FGGY: variants seen among roughly 807,000 people sequenced by gnomAD.
FGGY encodes FGGY carbohydrate kinase domain containing.
FGGY carries 72 observed loss-of-function variants against 71.3 expected under a neutral mutation model. The ratio of observed to expected loss-of-function variants is 1.01; its 90% confidence interval spans 0.84 to 1.23. The LOEUF (loss-of-function observed/expected upper bound fraction) is 1.23. Among genes scored for constraint, FGGY ranks in the 50% most tolerant of loss-of-function variants. The pLI is 0.00. For missense variants in FGGY, 668 were observed against 682.3 expected (o/e 0.98, Z 0.23); for synonymous variants, 251 against 250.3 (o/e 1.00, Z -0.02).
At position 59,469,877 on chromosome 1, in the gene FGGY, C is replaced by G. The variant is rs548404433; in HGVS notation, c.670+12801C>G. On this transcript the variant is annotated intron_variant, in intron 6 of 15. Transcript: ENST00000303721. ...TGGTTTTCTGTTCCTGTGTTAGTTG[C>G]TAAGAATGATGGCCTCTAGCTCCAT... Among the ~76,000 whole-genome samples the G allele has an allele frequency of 4.9e-4, 74 of 152,248 alleles. 1 individual carries two copies. Among genetic ancestry groups the G allele is most frequent in the South Asian group, 1.5e-3 (7 of 4,820 alleles).
At chr1:59,622,095 G>A (rs757048316) in intron 9 of FGGY, among the ~76,000 whole-genome samples, 1 of 151,760 alleles carries the variant, frequency 6.6e-6, no homozygotes, top group Non-Finnish European at 1.5e-5. Context: ...TCTCCAATCA[G>A]CTCTTAGGCC....
chr1:59,720,166 G>A (rs935260965), intron 14 of FGGY, among the ~76,000 whole-genome samples: 2 of 152,144 alleles, frequency 1.3e-5, no homozygotes, highest in African/African-American at 4.8e-5. Context: ...CATTATGTGG[G>A]ACTGAAAATA....
intron 4 of FGGY, among the ~76,000 whole-genome samples, chr1:59,371,743 G>T (rs1453657017): frequency 6.6e-6 from 1 of 152,048 alleles, no homozygotes; most frequent in Non-Finnish European, 1.5e-5. Flanking sequence ...TAGAACTCAG[G>T]ATTAAGAAAC....
chr1:59,713,276 A>T (rs1490817789), intron 14 of FGGY, among the ~76,000 whole-genome samples: 2 of 152,206 alleles, frequency 1.3e-5, no homozygotes, highest in Non-Finnish European at 1.5e-5. Flanking sequence ...GTCTCTAGGA[A>T]GTTCGAAACT....
intron 8 of FGGY, among the ~76,000 whole-genome samples, chr1:59,557,637 C>G (rs1211639783): frequency 6.6e-6 from 1 of 152,074 alleles, no homozygotes. Context: ...TTTTTTAACT[C>G]CATGAAAGCA....
At chr1:59,627,784 A>G (rs534243085) in intron 10 of FGGY, among the ~76,000 whole-genome samples, 40 of 152,260 alleles carry the variant, frequency 2.6e-4, no homozygotes, top group Middle Eastern at 3.4e-3. Context: ...GGAATTGTCA[A>G]GGTACATTGG....
intron 2 of FGGY, among the ~76,000 whole-genome samples, chr1:59,326,511 A>G (rs2047455072): frequency 6.6e-6 from 1 of 152,212 alleles, no homozygotes; most frequent in South Asian, 2.1e-4. Flanking sequence ...ATTCCCATTT[A>G]CATTTGAAAA....
At chr1:59,761,907 T>C (rs1574129379) in intron 15 of FGGY, among the ~76,000 whole-genome samples, 2 of 152,170 alleles carry the variant, frequency 1.3e-5, no homozygotes, top group East Asian at 1.9e-4. Flanking sequence ...GCTAGTTATA[T>C]AGGAAATACT....
At chr1:59,510,711 A>G (rs576879846) in intron 6 of FGGY, among the ~76,000 whole-genome samples, 3 of 152,362 alleles carry the variant, frequency 2.0e-5, no homozygotes, top group African/African-American at 7.2e-5. Flanking sequence ...TATTATTTTA[A>G]CATGGAATTG....
rs1438086535 is a variant in FGGY, at chr1:59,350,595, G to C, written c.465+4197G>C. Among the ~76,000 whole-genome samples, 2 of 152,152 alleles carry C rather than the reference G, an allele frequency of 1.3e-5. 1 individual carries two copies. The highest frequency in any genetic ancestry group is 2.9e-5 in the Non-Finnish European group (2 of 68,036). The stretch of plus-strand genomic sequence containing the variant: ...AGCAGGAGATGAGGCCAGGTAAATA[G>C]TCTGAGTTCGGCTTATTAAGGGCTT... On this transcript the variant is annotated intron_variant, in intron 4 of 15. Transcript: ENST00000303721.
intron 9 of FGGY, among the ~76,000 whole-genome samples, chr1:59,615,294 T>A (rs1404770656): frequency 6.6e-6 from 1 of 152,072 alleles, no homozygotes; most frequent in African/African-American, 2.4e-5. Context: ...ACTGGTATCA[T>A]AACAGAGATA....
intron 14 of FGGY, among the ~76,000 whole-genome samples, chr1:59,694,690 C>CTTT (rs58871168): frequency 8.4e-5 from 12 of 142,438 alleles, no homozygotes; most frequent in African/African-American, 1.8e-4. Context: ...AACTAGGTGT[C>CTTT]TTTTTTTTTT....
At chr1:59,411,766 C>G (rs1299993601) in intron 5 of FGGY, among the ~76,000 whole-genome samples, 1 of 152,078 alleles carries the variant, frequency 6.6e-6, no homozygotes, top group African/African-American at 2.4e-5. Context: ...GCAAATAGTC[C>G]TTTTAACCAA....
intron 7 of FGGY, among the ~76,000 whole-genome samples, chr1:59,550,880 G>A (rs1391315350): frequency 6.6e-6 from 1 of 152,310 alleles, no homozygotes; most frequent in Middle Eastern, 3.4e-3. Context: ...AATCCATGTG[G>A]CCTTGGGCAA....
At chr1:59,737,595 G>A (rs1303352331) in intron 14 of FGGY, among the ~76,000 whole-genome samples, 1 of 152,198 alleles carries the variant, frequency 6.6e-6, no homozygotes, top group African/African-American at 2.4e-5. Context: ...GGGGCCTGTA[G>A]CCCCTTTGTT....
At chr1:59,414,652 T>G (rs2064092349) in intron 5 of FGGY, among the ~76,000 whole-genome samples, 1 of 151,150 alleles carries the variant, frequency 6.6e-6, no homozygotes, top group Non-Finnish European at 1.5e-5. Context: ...TAGTGCAAGA[T>G]GCTTGGCTAT....
At chr1:59,565,404 C>T (rs569013779) in intron 8 of FGGY, among the ~76,000 whole-genome samples, 1 of 152,278 alleles carries the variant, frequency 6.6e-6, no homozygotes, top group African/African-American at 2.4e-5. Flanking sequence ...CCTGCCTCAG[C>T]CTCCTGAGTA....
chr1:59,681,527 G>C (rs995132733), intron 14 of FGGY, among the ~76,000 whole-genome samples: 1 of 152,160 alleles, frequency 6.6e-6, no homozygotes, highest in Non-Finnish European at 1.5e-5. Context: ...AAACAAAAAT[G>C]TGTAAGATTT....
At chr1:59,360,594 A>G (rs1211487494) in intron 4 of FGGY, among the ~76,000 whole-genome samples, 1 of 152,100 alleles carries the variant, frequency 6.6e-6, no homozygotes, top group African/African-American at 2.4e-5. Context: ...AATTGTGTTG[A>G]TATACTATTA....
Sources: gnomAD v4.1 joint callset for allele counts (sites outside exome capture counted in the v4.1 genomes callset) on GRCh38, gnomAD v4.1.1 for gene constraint, MANE v1.5 for transcripts, NCBI Gene and HGNC (gene_info 2026-07-23, HGNC 2026-07-21) for gene names.